The following ARFGEF3 variants were observed in gnomAD, a reference collection of about 807,000 sequenced individuals.
ARFGEF3 encodes the protein brefeldin A-inhibited guanine nucleotide-exchange protein 3.
A neutral mutation model predicts 221.7 loss-of-function variants in ARFGEF3; 96 were observed. The ratio of observed to expected loss-of-function variants is 0.43; its 90% CI spans 0.37 to 0.51. The LOEUF (loss-of-function observed/expected upper bound fraction) is 0.51, where lower values mean the gene tolerates loss of function less well. Ranked by LOEUF, ARFGEF3 falls within the 20% of genes least tolerant of loss-of-function variation. The pLI, the probability that ARFGEF3 is intolerant of heterozygous loss-of-function variation, is 0.00. For missense variants in ARFGEF3, 2,410 were observed against 2,789.9 expected (o/e 0.86, Z 3.07); for synonymous variants, 1,145 against 1,126.8 (o/e 1.02, Z -0.32).
chr6:138,185,111 G>A (rs11964151), intron 2 of ARFGEF3, among the ~76,000 whole-genome samples: 7,040 of 152,218 alleles, frequency 0.046, 515 homozygotes, highest in African/African-American at 0.16. Flanking sequence ...GGCTGGCCAC[G>A]GGCTTGCCCT....
intron 4 of ARFGEF3, chr6:138,217,927 C>T: frequency 6.5e-7 from 1 of 1,528,492 alleles, no homozygotes; most frequent in Non-Finnish European, 8.8e-7. Flanking sequence ...TCATTGGTAG[C>T]AGAATTGCCT....
intron 20 of ARFGEF3, among the ~76,000 whole-genome samples, chr6:138,295,637 A>AAAAG (rs1325274576): frequency 6.6e-6 from 1 of 152,012 alleles, no homozygotes; most frequent in East Asian, 1.9e-4. Context: ...CAAAAAAAAA[A>AAAAG]AAAGAAAGAA....
Position 138,336,556 on chromosome 6 carries a change from C to G in ARFGEF3, c.*70C>G, listed in dbSNP as rs1780330178. The stretch of plus-strand genomic sequence containing the variant: ...TAGAGTCCTGCCAATACAGCTGTTG[C>G]ATTTTCCCCACCACTAGCCCCACTT... On this transcript the variant is annotated 3_prime_UTR_variant, in exon 34 of 34. Coordinates refer to ENST00000251691, the MANE Select transcript of ARFGEF3 (RefSeq NM_020340.5). 1.6e-6 allele frequency: 2 copies of G among 1,281,244 alleles called. No individual in the cohort carries two copies. Among genetic ancestry groups the G allele is most frequent in the South Asian group, 1.5e-5 (1 of 65,884 alleles). The allele number at this position is 1,281,244 out of a possible 1,614,324, so 79.4% of individuals were successfully genotyped here.
chr6:138,187,316 C>T (rs1334065196), intron 2 of ARFGEF3, among the ~76,000 whole-genome samples: 2 of 152,188 alleles, frequency 1.3e-5, no homozygotes, highest in Admixed American at 6.5e-5. Context: ...CAGGATTATC[C>T]CCTCTGTTTG....
At chr6:138,320,988 CTA>C in intron 28 of ARFGEF3, 121 bp from the exon 29 acceptor site, 1 of 627,944 alleles carries the variant, frequency 1.6e-6, no homozygotes, top group Non-Finnish European at 2.8e-6. Context: ...TCTCATTGTT[CTA>C]TTTCTTTTTC....
At chr6:138,289,090 A>G (rs1779351888) in intron 17 of ARFGEF3, among the ~76,000 whole-genome samples, 1 of 152,058 alleles carries the variant, frequency 6.6e-6, no homozygotes, top group South Asian at 2.1e-4. Context: ...AGTAGCTGGG[A>G]TTACAGGCAT....
At chr6:138,326,220 C>A (rs1780124704) in intron 31 of ARFGEF3, among the ~76,000 whole-genome samples, 1 of 152,054 alleles carries the variant, frequency 6.6e-6, no homozygotes, top group East Asian at 1.9e-4. Flanking sequence ...TATGTATTCA[C>A]TCTTAAAATA....
rs77926266 is a variant in ARFGEF3 at position 138,207,227 on chromosome 6, C to T, written c.219+104C>T. 549 of 825,458 alleles carry T rather than the reference C, an allele frequency of 6.7e-4. 5 individuals carry two copies. In the East Asian group the frequency reaches 0.014, roughly 22 times the overall value. 51.1% of individuals were successfully genotyped at this position (825,458 alleles called of 1,614,324 possible). On this transcript the variant is annotated intron_variant, in intron 3 of 33. Coordinates refer to ENST00000251691, the MANE Select transcript of ARFGEF3 (RefSeq NM_020340.5). ...TTTAAATACTGGCTGTTTAAAGACT[C>T]AGGCAGAAATTTGATTGAACTAGGA...
At chr6:138,272,214 G>A (rs1779016139) in intron 12 of ARFGEF3, among the ~76,000 whole-genome samples, 1 of 152,052 alleles carries the variant, frequency 6.6e-6, no homozygotes, top group Non-Finnish European at 1.5e-5. Flanking sequence ...GGAGTGCAGT[G>A]GCACGATCTC....
chr6:138,294,844 G>T (rs1320702089), intron 20 of ARFGEF3, among the ~76,000 whole-genome samples: 1 of 152,228 alleles, frequency 6.6e-6, no homozygotes, highest in East Asian at 1.9e-4. Flanking sequence ...CGGGAGCCAT[G>T]TGCTGGGGAT....
chr6:138,255,327 G>T, intron 9 of ARFGEF3, 109 bp from the exon 10 acceptor site: 1 of 723,648 alleles, frequency 1.4e-6, no homozygotes, highest in East Asian at 2.7e-5. Flanking sequence ...AAAAGAAGAA[G>T]AAGTAAAGAG....
intron 17 of ARFGEF3, 111 bp from the exon 18 acceptor site, chr6:138,289,707 C>A (rs975271809): frequency 8.4e-7 from 1 of 1,187,842 alleles, no homozygotes; most frequent in Non-Finnish European, 1.2e-6. Context: ...CTTGCTGCCA[C>A]TGAAGTCTGT....
chr6:138,219,130 G>T (rs1477604666), intron 4 of ARFGEF3, among the ~76,000 whole-genome samples: 1 of 152,186 alleles, frequency 6.6e-6, no homozygotes, highest in African/African-American at 2.4e-5. Flanking sequence ...AGTTCAGGAG[G>T]CACATTCAGG....
At chr6:138,245,454 A>G in intron 7 of ARFGEF3, 59 bp from the exon 8 acceptor site, 1 of 1,176,618 alleles carries the variant, frequency 8.5e-7, no homozygotes, top group Non-Finnish European at 1.3e-6. Context: ...AGGATGGTTC[A>G]GGGAGCTCGT....
Position 138,336,531 on chromosome 6 carries a change from T to A in ARFGEF3, c.*45T>A. On this transcript the variant is annotated 3_prime_UTR_variant, in exon 34 of 34. Coordinates refer to ENST00000251691, the MANE Select transcript of ARFGEF3 (RefSeq NM_020340.5). Reference sequence around the variant, plus strand: ...CCCACCAAATAACAGTAGTGAGGGTTAGAGTCCTGCCAATACAGCTGTTGC... The same window carrying A: ...CCCACCAAATAACAGTAGTGAGGGTAAGAGTCCTGCCAATACAGCTGTTGC... 1.3e-6 allele frequency: 2 copies of A among 1,500,858 alleles called. No homozygotes were observed. Among genetic ancestry groups the A allele is most frequent in the Admixed American group, 1.9e-5 (1 of 52,446 alleles). The allele number at this position is 1,500,858 out of a possible 1,614,324, so 93.0% of individuals were successfully genotyped here.
At chr6:138,169,486 T>C (rs7769595) in intron 1 of ARFGEF3, among the ~76,000 whole-genome samples, 7,639 of 152,288 alleles carry the variant, frequency 0.05, 604 homozygotes, top group African/African-American at 0.17. Flanking sequence ...AAAACCATGC[T>C]GATCTGGTTG....
At chr6:138,312,511 C>T (rs1779848014) in intron 25 of ARFGEF3, among the ~76,000 whole-genome samples, 1 of 152,120 alleles carries the variant, frequency 6.6e-6, no homozygotes, top group Non-Finnish European at 1.5e-5. Context: ...CTCTTACTCA[C>T]AGTGCTATAG....
In ARFGEF3 at chr6:138,162,047, C is replaced by G; in HGVS notation, c.-40C>G. The stretch of plus-strand genomic sequence containing the variant: ...TCCCCGGCCCGGCTCGCCCGCGCTT[C>G]TCTCCCTGTGGGCGGCGGCCCGGCG... On this transcript the variant is annotated 5_prime_UTR_variant, in exon 1 of 34. Coordinates refer to ENST00000251691, the MANE Select transcript of ARFGEF3 (RefSeq NM_020340.5). This position sits in a 1 kb window ranked among gnomAD's most constrained non-coding sequence, Gnocchi z 4.7. 1 of 1,496,178 alleles carries G rather than the reference C, an allele frequency of 6.7e-7. No individual in the cohort carries two copies. Among genetic ancestry groups the G allele is most frequent in the Non-Finnish European group, 9.0e-7 (1 of 1,107,124 alleles). 92.7% of individuals were successfully genotyped at this position (1,496,178 alleles called of 1,614,324 possible).
chr6:138,308,190 A>G (rs1431630495), intron 23 of ARFGEF3, among the ~76,000 whole-genome samples: 5 of 152,210 alleles, frequency 3.3e-5, no homozygotes, highest in African/African-American at 9.6e-5. Context: ...GGTGTTCACC[A>G]TAAACCGTAT....
Sources: gnomAD v4.1 joint callset for allele counts (sites outside exome capture counted in the v4.1 genomes callset) on GRCh38, gnomAD v4.1.1 for gene constraint, Gnocchi (gnomAD v3.1) non-coding constraint, MANE v1.5 for transcripts, NCBI Gene and HGNC (gene_info 2026-07-23, HGNC 2026-07-21) for gene names.